AGAP1: variants seen among roughly 807,000 people sequenced by gnomAD.
The protein encoded by AGAP1 is ArfGAP with GTPase domain, ankyrin repeat and PH domain 1, also known as arf-GAP with GTPase, ANK repeat and PH domain-containing protein 1.
Under a neutral mutation model 105.3 loss-of-function variants are expected in AGAP1, and 29 were observed. The ratio of observed to expected loss-of-function variants is 0.28; its 90% CI spans 0.21 to 0.38. AGAP1 has a LOEUF of 0.38. AGAP1 is among the 10% of genes least tolerant of loss of function. The pLI is 1.00. For synonymous variants in AGAP1, 509 were observed against 485.9 expected, an observed-to-expected ratio of 1.05 and a Z score of -0.63; for missense variants, 998 against 1,165.1, an observed-to-expected ratio of 0.86 and a Z score of 2.09.
chr2:235,727,764 T>G (rs566252230), intron 3 of AGAP1, among the ~76,000 whole-genome samples: 1 of 152,184 alleles, frequency 6.6e-6, no homozygotes, highest in Admixed American at 6.5e-5. Context: ...GAGGTACCCA[T>G]ATTGATCATA....
intron 1 of AGAP1, among the ~76,000 whole-genome samples, chr2:235,584,436 C>G (rs1200752124): frequency 1.3e-5 from 2 of 148,448 alleles, no homozygotes; most frequent in African/African-American, 5.0e-5. Context: ...TGGAGATGGT[C>G]TTTGGCTGAT....
rs1193884387 is a variant in AGAP1, at chr2:236,045,733, T to C, written c.1892-3326T>C. Among the ~76,000 whole-genome samples the C allele has an allele frequency of 1.3e-5, 2 of 152,228 alleles. No homozygotes were observed. Among genetic ancestry groups the C allele is most frequent in the South Asian group, 4.1e-4 (2 of 4,836 alleles). On this transcript the variant is annotated intron_variant, in intron 15 of 17. Transcript: ENST00000304032. This position sits in a 1 kb window ranked among gnomAD's most constrained non-coding sequence, Gnocchi z 6.9. ...CCACCCAGGCCGAGACACAGCGAAG[T>C]GTCCCAGTTGGGCCTTAAGGCATCT... is the stretch of plus-strand genomic sequence containing the variant.
intron 9 of AGAP1, among the ~76,000 whole-genome samples, chr2:235,833,690 G>A (rs1411703978): frequency 6.6e-6 from 1 of 151,950 alleles, no homozygotes; most frequent in East Asian, 1.9e-4. Context: ...AACAATAACT[G>A]GTAAACCTTT....
At chr2:235,706,983 G>T (rs1211702007) in intron 1 of AGAP1, among the ~76,000 whole-genome samples, 1 of 152,268 alleles carries the variant, frequency 6.6e-6, no homozygotes, top group Non-Finnish European at 1.5e-5. Flanking sequence ...CTGAGCGCTT[G>T]CTGGGTGTCA....
At chr2:235,637,440 T>G (rs534749532) in intron 1 of AGAP1, among the ~76,000 whole-genome samples, 12 of 150,154 alleles carry the variant, frequency 8.0e-5, no homozygotes, top group African/African-American at 2.8e-4. Flanking sequence ...GCCTAGCTAA[T>G]TGTATTATTA....
chr2:236,029,079 G>A (rs190713425), intron 13 of AGAP1, among the ~76,000 whole-genome samples: 142 of 152,024 alleles, frequency 9.3e-4, no homozygotes, highest in African/African-American at 3.3e-3. Context: ...CTATGACATC[G>A]TAACTCCCAT....
chr2:235,740,324 C>T lies in AGAP1; in HGVS notation c.311-639C>T, dbSNP rs1056142782. ...TTCCTGCAGGGTCCCGGTGGTCTCCCGCTAACCCCGCGTGGTCTCTAACGC... is the reference window on the plus strand; with the variant it reads ...TTCCTGCAGGGTCCCGGTGGTCTCCTGCTAACCCCGCGTGGTCTCTAACGC... On this transcript the variant is annotated intron_variant, in intron 3 of 17. Coordinates refer to ENST00000304032, the MANE Select transcript of AGAP1 (RefSeq NM_001037131.3). This position sits in a 1 kb window ranked among gnomAD's most constrained non-coding sequence, Gnocchi z 5.7. Among the ~76,000 whole-genome samples, 4 of 151,898 alleles carry T rather than the reference C, an allele frequency of 2.6e-5. No homozygotes were observed. The highest frequency in any genetic ancestry group is 2.1e-4 in the South Asian group (1 of 4,792).
At chr2:235,702,934 G>T (rs374335326) in intron 1 of AGAP1, among the ~76,000 whole-genome samples, 8 of 88,954 alleles carry the variant, frequency 9.0e-5, no homozygotes, top group Admixed American at 3.0e-4. Flanking sequence ...AGTTTTCTTG[G>T]TTTTTTTTTT....
In AGAP1 at chr2:235,908,776, T is replaced by C. The variant is rs1333608677; in HGVS notation, c.1194T>C (p.Leu398=). 3 of 1,613,878 alleles carry C rather than the reference T, an allele frequency of 1.9e-6. No homozygotes were observed. In the South Asian group the frequency reaches 3.3e-5, roughly 18 times the overall value. The change falls in exon 11 of 18, where the codon CTT becomes CTC. Residue 398 remains leucine, a synonymous_variant. Transcript: ENST00000304032. This position sits in a 1 kb window ranked among gnomAD's most constrained non-coding sequence, Gnocchi z 4.4. ...ATGTTCATGGTAAGGAGATTGACCT[T>C]CTGAGAACCACTGTGAAAGTCCCAG... ...MQNVHGKEID[L]LRTTVKVPGK...
In AGAP1 at chr2:235,930,637, G is replaced by A; in HGVS notation, c.1325-128G>A. On this transcript the variant is annotated intron_variant, in intron 11 of 17. Coordinates refer to ENST00000304032, the MANE Select transcript of AGAP1 (RefSeq NM_001037131.3). The surrounding 1 kb of genome is among the most constrained non-coding windows in gnomAD (Gnocchi z 7.9). ...TCTGGCGCTTCCGTTTGCCATGCAG[G>A]CAGGACAGGGGCTGCTCTCGGTGGT... is the stretch of plus-strand genomic sequence containing the variant. The A allele has an allele frequency of 2.2e-6, 2 of 910,872 alleles. No homozygotes were observed. Among genetic ancestry groups the A allele is most frequent in the South Asian group, 1.8e-5 (1 of 56,254 alleles). The allele number at this position is 910,872 out of a possible 1,614,324, so 56.4% of individuals were successfully genotyped here. A position where few individuals can be genotyped will look rare whatever the true frequency, so the allele number is the denominator to read the frequency against.
chr2:235,601,579 AT>A lies in AGAP1; in HGVS notation c.163+106734del, dbSNP rs1206805408. Among the ~76,000 whole-genome samples, 2 of 152,088 alleles carry A rather than the reference AT, an allele frequency of 1.3e-5. No individual in the cohort carries two copies. The highest frequency in any genetic ancestry group is 2.9e-5 in the Non-Finnish European group (2 of 68,024). ...AAAACCATCAGATCTTGTGAGACTTATTTTCTACCACAGAACAGAATAGGGG... is the reference window on the plus strand; with the variant it reads ...AAAACCATCAGATCTTGTGAGACTTATTTCTACCACAGAACAGAATAGGGG... On this transcript the variant is annotated intron_variant, in intron 1 of 17. Transcript: ENST00000304032. The surrounding 1 kb of genome is among the most constrained non-coding windows in gnomAD (Gnocchi z 4.4).
At chr2:235,630,586 G>A (rs1487577655) in intron 1 of AGAP1, among the ~76,000 whole-genome samples, 1 of 152,146 alleles carries the variant, frequency 6.6e-6, no homozygotes, top group African/African-American at 2.4e-5. Flanking sequence ...TTTCCGTGTC[G>A]TGTTGTAATA....
chr2:235,968,421 CATTT>C (rs1559706456), intron 12 of AGAP1, 37 bp from the exon 13 acceptor site: 1 of 1,345,396 alleles, frequency 7.4e-7, no homozygotes, highest in African/African-American at 1.7e-5. Context: ...GCTCACTCTG[CATTT>C]TTTTTTTTTT....
rs1946833381 is a variant in AGAP1, at chr2:235,631,666, G to A, written c.164-77513G>A. Among the ~76,000 whole-genome samples, 1 of 152,228 alleles carries A rather than the reference G, an allele frequency of 6.6e-6. No homozygotes were observed. Among genetic ancestry groups the A allele is most frequent in the Non-Finnish European group, 1.5e-5 (1 of 68,040 alleles). ...AAGTTGGTTAACCTCTCTGTGCTTA[G>A]GTGACCTTCGATGGCACGGGGGATA... On this transcript the variant is annotated intron_variant, in intron 1 of 17. Coordinates refer to ENST00000304032, the MANE Select transcript of AGAP1 (RefSeq NM_001037131.3). This position sits in a 1 kb window ranked among gnomAD's most constrained non-coding sequence, Gnocchi z 5.4.
chr2:235,758,697 G>T (rs1444953948), intron 6 of AGAP1, among the ~76,000 whole-genome samples: 1 of 152,224 alleles, frequency 6.6e-6, no homozygotes, highest in Admixed American at 6.5e-5. Flanking sequence ...CCTCTGTAAG[G>T]CTCTGGCAGC....
chr2:235,666,009 T>A (rs1392173274), intron 1 of AGAP1, among the ~76,000 whole-genome samples: 1 of 152,144 alleles, frequency 6.6e-6, no homozygotes, highest in Non-Finnish European at 1.5e-5. Context: ...CGTGAGACGG[T>A]GGCCAAAGCA....
rs2149474908 is a variant in AGAP1 at position 235,700,495 on chromosome 2, G to A, written c.164-8684G>A. The stretch of plus-strand genomic sequence containing the variant: ...TTATGAGGCACTCAGGAATGCTTTT[G>A]AAGAAACTGTAATGAAAATGAGGGC... On this transcript the variant is annotated intron_variant, in intron 1 of 17. Coordinates refer to ENST00000304032, the MANE Select transcript of AGAP1 (RefSeq NM_001037131.3). The surrounding 1 kb of genome is among the most constrained non-coding windows in gnomAD (Gnocchi z 6.1). Among the ~76,000 whole-genome samples the A allele has an allele frequency of 6.6e-6, 1 of 152,254 alleles. No homozygotes were observed. The highest frequency in any genetic ancestry group is 1.5e-5 in the Non-Finnish European group (1 of 68,020).
In AGAP1 at chr2:235,949,491, C is replaced by A. The variant is rs552910602; in HGVS notation, c.1483+18568C>A. ...CACCTCTCCGCCTGTTCTTCTGCAC[C>A]GTGTCTCCGGATCATCATCTTAGTC... On this transcript the variant is annotated intron_variant, in intron 12 of 17. Coordinates refer to ENST00000304032, the MANE Select transcript of AGAP1 (RefSeq NM_001037131.3). Among the ~76,000 whole-genome samples, 2 of 152,140 alleles carry A rather than the reference C, an allele frequency of 1.3e-5. 1 individual carries two copies. Among genetic ancestry groups the A allele is most frequent in the South Asian group, 4.2e-4 (2 of 4,814 alleles).
chr2:235,759,361 G>A (rs1039154657), intron 6 of AGAP1, among the ~76,000 whole-genome samples: 17 of 150,726 alleles, frequency 1.1e-4, no homozygotes, highest in South Asian at 6.3e-4. Flanking sequence ...AGTAGAGACG[G>A]GCTTTCACCG....
Sources: gnomAD v4.1 joint callset for allele counts (sites outside exome capture counted in the v4.1 genomes callset) on GRCh38, gnomAD v4.1.1 for gene constraint, Gnocchi (gnomAD v3.1) non-coding constraint, MANE v1.5 for transcripts, NCBI Gene and HGNC (gene_info 2026-07-23, HGNC 2026-07-21) for gene names.